The following LRRC69 variants were observed in gnomAD, a reference collection of about 807,000 sequenced individuals.
LRRC69 encodes the protein leucine-rich repeat-containing protein 69.
In LRRC69, 42 loss-of-function variants were observed where a neutral mutation model predicts 37.8. The observed-to-expected ratio is 1.11, with a 90% CI of 0.87 to 1.44. LRRC69 has a LOEUF of 1.44. Ranked by LOEUF, LRRC69 falls within the 40% of genes most tolerant of loss-of-function variation. The pLI, the probability that LRRC69 is intolerant of heterozygous loss-of-function variation, is 0.00. For synonymous variants in LRRC69, 141 were observed against 143.1 expected, an observed-to-expected ratio of 0.99 and a Z score of 0.11; for missense variants, 357 against 401.9, an observed-to-expected ratio of 0.89 and a Z score of 0.96.
chr8:91,124,041 T>C (rs1204725656), intron 1 of LRRC69, among the ~76,000 whole-genome samples: 1 of 152,004 alleles, frequency 6.6e-6, no homozygotes, highest in Non-Finnish European at 1.5e-5. Flanking sequence ...AGAGTGGTCT[T>C]ATGGCCTAGC....
intron 7 of LRRC69, among the ~76,000 whole-genome samples, chr8:91,204,179 A>T (rs1391087398): frequency 2.0e-5 from 3 of 151,984 alleles, no homozygotes; most frequent in African/African-American, 7.3e-5. Flanking sequence ...CAGGGCTGAG[A>T]ATCTCTGCTC....
intron 5 of LRRC69, among the ~76,000 whole-genome samples, chr8:91,173,123 A>G (rs567382084): frequency 6.6e-6 from 1 of 152,000 alleles, no homozygotes; most frequent in African/African-American, 2.4e-5. Context: ...GTTGCGTAGG[A>G]TGTAGGGGAA....
At chr8:91,169,587 T>C (rs925017211) in intron 5 of LRRC69, among the ~76,000 whole-genome samples, 4 of 150,866 alleles carry the variant, frequency 2.7e-5, no homozygotes, top group African/African-American at 4.9e-5. Context: ...TAGTTACATA[T>C]GTATACATGT....
intron 6 of LRRC69, among the ~76,000 whole-genome samples, chr8:91,195,558 T>A (rs1204186169): frequency 1.3e-5 from 2 of 150,070 alleles, no homozygotes; most frequent in African/African-American, 4.9e-5. Context: ...TTTAGGATAG[T>A]TAGCTCTTCT....
At chr8:91,157,857 A>G in intron 5 of LRRC69, 2 of 1,603,430 alleles carry the variant, frequency 1.2e-6, no homozygotes, top group African/African-American at 1.3e-5. Context: ...CAAGAGCAGA[A>G]TGTTTCAAAT....
In LRRC69 at chr8:91,205,295, G is replaced by A. The variant is rs967565717; in HGVS notation, c.933+4503G>A. Among the ~76,000 whole-genome samples, 68 of 152,224 alleles carry A rather than the reference G, an allele frequency of 4.5e-4. 1 individual carries two copies. Among genetic ancestry groups the A allele is most frequent in the African/African-American group, 1.6e-3 (66 of 41,572 alleles). ...CTATACTAACCCACGCTTAGGACAT[G>A]GAGGCTCACGTTACTGGCCTGTTTA... On this transcript the variant is annotated intron_variant, in intron 7 of 7. Transcript: ENST00000448384.
At chr8:91,138,413 T>C (rs1808456523) in intron 5 of LRRC69, among the ~76,000 whole-genome samples, 1 of 152,006 alleles carries the variant, frequency 6.6e-6, no homozygotes, top group Non-Finnish European at 1.5e-5. Context: ...GCATTGTGCA[T>C]AAGTGCCTTT....
At chr8:91,122,158 G>C (rs1586230122) in intron 1 of LRRC69, among the ~76,000 whole-genome samples, 1 of 152,066 alleles carries the variant, frequency 6.6e-6, no homozygotes, top group African/African-American at 2.4e-5. Context: ...CATTGATAGT[G>C]TGGGACATTA....
At chr8:91,119,439 C>CT (rs1217803650) in intron 1 of LRRC69, among the ~76,000 whole-genome samples, 2 of 151,988 alleles carry the variant, frequency 1.3e-5, no homozygotes, top group Non-Finnish European at 2.9e-5. Context: ...CTTTGAAATC[C>CT]TTTACAAGTT....
At chr8:91,154,706 T>C (rs1808801952) in intron 5 of LRRC69, among the ~76,000 whole-genome samples, 1 of 151,744 alleles carries the variant, frequency 6.6e-6, no homozygotes, top group Non-Finnish European at 1.5e-5. Context: ...ATAAACTAGG[T>C]ATTAATGGAA....
At chr8:91,192,964 G>GT (rs762091822) in intron 6 of LRRC69, among the ~76,000 whole-genome samples, 215 of 152,230 alleles carry the variant, frequency 1.4e-3, no homozygotes, top group Non-Finnish European at 2.2e-3. Context: ...TTCTTCTAGG[G>GT]TTTTTTACGG....
Position 91,105,086 on chromosome 8 carries a change from A to C in LRRC69, c.183+2242A>C, listed in dbSNP as rs147534940. 1.4e-4 allele frequency among the ~76,000 whole-genome samples: 22 copies of C among 152,098 alleles called. No individual in the cohort carries two copies. In the East Asian group the frequency reaches 4.0e-3, roughly 28 times the overall value. On this transcript the variant is annotated intron_variant, in intron 1 of 7. Coordinates refer to ENST00000448384, the Ensembl canonical transcript of LRRC69. ...AGCCCAGTGCTTACTTTTAAAGAAG[A>C]AATTACACCACTAAGAATTCAACTG...
chr8:91,190,433 A>G (rs1809475093), intron 6 of LRRC69, among the ~76,000 whole-genome samples: 1 of 152,130 alleles, frequency 6.6e-6, no homozygotes, highest in African/African-American at 2.4e-5. Context: ...TTAGGGCAAA[A>G]AAAAGCCAAT....
chr8:91,133,056 G>A, intron 3 of LRRC69, 54 bp from the exon 4 acceptor site: 1 of 1,125,100 alleles, frequency 8.9e-7, no homozygotes, highest in South Asian at 1.5e-5. Flanking sequence ...CTATATAGTG[G>A]ACTCTTATTC....
chr8:91,150,067 A>G (rs1045555927), intron 5 of LRRC69, among the ~76,000 whole-genome samples: 1 of 151,794 alleles, frequency 6.6e-6, no homozygotes, highest in Non-Finnish European at 1.5e-5. Context: ...CTAATTGAAT[A>G]CCCTTTATTT....
intron 5 of LRRC69, among the ~76,000 whole-genome samples, chr8:91,166,339 C>T (rs1172634325): frequency 6.6e-6 from 1 of 151,564 alleles, no homozygotes; most frequent in Non-Finnish European, 1.5e-5. Flanking sequence ...ACCATAATGT[C>T]AGAACCTTAG....
At chr8:91,192,334 G>A (rs1809512763) in intron 6 of LRRC69, among the ~76,000 whole-genome samples, 1 of 152,126 alleles carries the variant, frequency 6.6e-6, no homozygotes, top group African/African-American at 2.4e-5. Flanking sequence ...ACAGCAGCAT[G>A]ATTTATAGTC....
chr8:91,138,122 G>A (rs1808452924), intron 5 of LRRC69, among the ~76,000 whole-genome samples: 1 of 151,864 alleles, frequency 6.6e-6, no homozygotes, highest in Admixed American at 6.6e-5. Flanking sequence ...TAGTGATTAT[G>A]AAGCATTTTG....
chr8:91,124,842 T>G (rs1813691950), intron 2 of LRRC69: 2 of 388,382 alleles, frequency 5.1e-6, no homozygotes, highest in Non-Finnish European at 9.1e-6. Flanking sequence ...GCATCAGTGT[T>G]AATGAATTTT....
Sources: allele counts gnomAD v4.1 joint callset (sites outside exome capture counted in the v4.1 genomes callset), GRCh38; gene constraint gnomAD v4.1.1; transcripts MANE v1.5; gene names NCBI Gene and HGNC (gene_info 2026-07-23, HGNC 2026-07-21).